SIPA1L1: variants seen among roughly 807,000 people sequenced by gnomAD.
The protein encoded by SIPA1L1 is signal-induced proliferation-associated 1-like protein 1.
A neutral mutation model predicts 162.7 loss-of-function variants in SIPA1L1; 26 were observed. The ratio of observed to expected loss-of-function variants is 0.16; its 90% CI spans 0.12 to 0.22. The LOEUF (loss-of-function observed/expected upper bound fraction) is 0.22. Ranked by LOEUF, SIPA1L1 falls within the 10% of genes least tolerant of loss-of-function variation. SIPA1L1 has a pLI of 1.00. For synonymous variants in SIPA1L1, 829 were observed against 837.4 expected (o/e 0.99, Z 0.17); for missense variants, 1,874 against 2,241.0 (o/e 0.84, Z 3.31).
chr14:71,529,481 A>G lies in SIPA1L1; in HGVS notation c.-303+111A>G, dbSNP rs376887837. ...AAACATAGAAACAAAATTTTAAAAAATCTACTTTTCTCAAAGAGATGAAGT... is the reference window on the plus strand; with the variant it reads ...AAACATAGAAACAAAATTTTAAAAAGTCTACTTTTCTCAAAGAGATGAAGT... On this transcript the variant is annotated intron_variant, in intron 4 of 23. Transcript: ENST00000381232. 6.0e-4 allele frequency: 314 copies of G among 521,016 alleles called. 6 individuals are homozygous for G. The South Asian group carries it at 9.4e-3, about 16-fold the overall frequency. 32.3% of individuals were successfully genotyped at this position (521,016 alleles called of 1,614,324 possible).
chr14:71,682,558 T>C (rs1248631424), intron 12 of SIPA1L1, among the ~76,000 whole-genome samples: 1 of 152,238 alleles, frequency 6.6e-6, no homozygotes, highest in Non-Finnish European at 1.5e-5. Flanking sequence ...GCTCAGACTT[T>C]ATCATACTAT....
chr14:71,408,996 G>A (rs552375328), intron 2 of SIPA1L1, among the ~76,000 whole-genome samples: 2 of 152,210 alleles, frequency 1.3e-5, no homozygotes, highest in Admixed American at 6.5e-5. Context: ...CGAGGAACTC[G>A]TGCTTAGCAT....
intron 2 of SIPA1L1, 131 bp downstream of exon 2, chr14:71,321,312 G>C (rs2032878440): frequency 6.6e-6 from 1 of 152,288 alleles, no homozygotes; most frequent in Admixed American, 6.5e-5. Context: ...GTTAAAGTTT[G>C]ATTTTCGATT....
At chr14:71,738,878 A>T (rs766198199) in intron 23 of SIPA1L1, 140 bp from the exon 24 acceptor site, 3 of 900,614 alleles carry the variant, frequency 3.3e-6, no homozygotes, top group Non-Finnish European at 3.3e-6. Context: ...ACCTGATACC[A>T]GTCCGTTTAG....
intron 4 of SIPA1L1, among the ~76,000 whole-genome samples, chr14:71,553,877 C>G (rs529602961): frequency 6.6e-6 from 1 of 152,116 alleles, no homozygotes; most frequent in African/African-American, 2.4e-5. Context: ...AAATTGAGAC[C>G]TTAGCATAGT....
At position 71,730,296 on chromosome 14, in the gene SIPA1L1, T is replaced by C; in HGVS notation, c.4856T>C (p.Leu1619Pro). The change falls in exon 20 of 24, where the codon CTG becomes CCG. Residue 1619 changes from leucine to proline, a missense_variant. By Grantham distance (98) the Leu-to-Pro change is moderately conservative. Coordinates refer to ENST00000381232, the MANE Select transcript of SIPA1L1 (RefSeq NM_001386936.1). ...RPSYTLGMKS[L>P]HGEFSASDSS... is the part of the protein sequence containing the mutation. ...TCTTACACCTTAGGAATGAAATCGCTGCATGGTAAGTGGTCTTTCAGCTGC... is the reference window on the plus strand; with the variant it reads ...TCTTACACCTTAGGAATGAAATCGCCGCATGGTAAGTGGTCTTTCAGCTGC... 2 of 1,614,050 alleles carry C rather than the reference T, an allele frequency of 1.2e-6. No homozygotes were observed. The highest frequency in any genetic ancestry group is 1.7e-6 in the Non-Finnish European group (2 of 1,179,970).
intron 22 of SIPA1L1, among the ~76,000 whole-genome samples, chr14:71,736,730 C>T (rs1252733616): frequency 6.6e-6 from 1 of 152,120 alleles, no homozygotes; most frequent in African/African-American, 2.4e-5. Context: ...AGGAAGGAGC[C>T]TCCAACAGAG....
At chr14:71,595,344 A>G (rs1032059510) in intron 5 of SIPA1L1, among the ~76,000 whole-genome samples, 1 of 152,208 alleles carries the variant, frequency 6.6e-6, no homozygotes, top group Admixed American at 6.5e-5. Context: ...ATTTGATGCC[A>G]GAAGTTGAAA....
chr14:71,598,500 C>G (rs551779509), intron 5 of SIPA1L1, among the ~76,000 whole-genome samples: 1 of 152,270 alleles, frequency 6.6e-6, no homozygotes, highest in African/African-American at 2.4e-5. Context: ...GAGGCACAAC[C>G]CCAGCCCAAT....
intron 4 of SIPA1L1, among the ~76,000 whole-genome samples, chr14:71,548,044 C>T (rs1814378488): frequency 6.6e-6 from 1 of 152,116 alleles, no homozygotes; most frequent in Non-Finnish European, 1.5e-5. Flanking sequence ...GAGCAGGTAC[C>T]AACTAGTGAT....
chr14:71,469,538 G>A (rs1479290376), intron 2 of SIPA1L1, among the ~76,000 whole-genome samples: 4 of 152,208 alleles, frequency 2.6e-5, no homozygotes, highest in African/African-American at 9.7e-5. Flanking sequence ...GAATGAGTGA[G>A]TGAACAGAAT....
At chr14:71,656,122 G>A (rs1209060350) in intron 8 of SIPA1L1, among the ~76,000 whole-genome samples, 1 of 152,050 alleles carries the variant, frequency 6.6e-6, no homozygotes, top group African/African-American at 2.4e-5. Context: ...AAAATTATCA[G>A]CAAAACTCTA....
At chr14:71,544,194 T>C (rs1342681757) in intron 4 of SIPA1L1, among the ~76,000 whole-genome samples, 2 of 151,066 alleles carry the variant, frequency 1.3e-5, no homozygotes, top group Non-Finnish European at 1.5e-5. Context: ...TATATATACA[T>C]ATGCATGTAT....
chr14:71,508,754 G>C (rs541503660), intron 2 of SIPA1L1, among the ~76,000 whole-genome samples: 2 of 152,166 alleles, frequency 1.3e-5, no homozygotes, highest in African/African-American at 4.8e-5. Context: ...TTTGTTTTTT[G>C]TATGAATTTT....
chr14:71,683,995 G>A (rs2046041913), intron 12 of SIPA1L1, among the ~76,000 whole-genome samples: 1 of 152,218 alleles, frequency 6.6e-6, no homozygotes, highest in Non-Finnish European at 1.5e-5. Context: ...TCCAGAAAGT[G>A]TGAAAGCCAT....
At chr14:71,498,169 A>G (rs1473723415) in intron 2 of SIPA1L1, among the ~76,000 whole-genome samples, 2 of 152,164 alleles carry the variant, frequency 1.3e-5, no homozygotes, top group Admixed American at 6.6e-5. Context: ...TAAATTTGCT[A>G]TGTTAACCTT....
At chr14:71,544,211 GCA>G (rs1491322167) in intron 4 of SIPA1L1, among the ~76,000 whole-genome samples, 16 of 146,030 alleles carry the variant, frequency 1.1e-4, no homozygotes, top group East Asian at 4.0e-4. Flanking sequence ...GTATGCACAT[GCA>G]TGTGTATATA....
In SIPA1L1 at chr14:71,724,783, A is replaced by G. The variant is rs1261414540; in HGVS notation, c.4562A>G (p.Lys1521Arg). ...AAGTCCACCATTGAAGAAGATCTAA[A>G]GAAACTAATTGATCTTGAAAGCCCA... Reference protein sequence around the residue: ...TSKSTIEEDLKKLIDLESPTP... With the variant: ...TSKSTIEEDLRKLIDLESPTP... Residue 1521 changes from lysine (K) to arginine (R), a missense_variant, in exon 19 of 24, where the codon AAG (lysine) becomes AGG (arginine). This residue lies in a region of SIPA1L1 where 936 missense variants were observed against 1,051.9 expected (regional missense o/e 0.89). Coordinates refer to ENST00000381232, the MANE Select transcript of SIPA1L1 (RefSeq NM_001386936.1). 6.2e-7 allele frequency: 1 copy of G among 1,614,204 alleles called. No individual in the cohort carries two copies. The highest frequency in any genetic ancestry group is 1.3e-5 in the African/African-American group (1 of 75,062).
chr14:71,491,520 T>TTTGTTGTTG (rs71105781), intron 2 of SIPA1L1, among the ~76,000 whole-genome samples: 1,581 of 151,124 alleles, frequency 0.01, 30 homozygotes, highest in African/African-American at 0.037. Context: ...GAGCAACCTG[T>TTTGTTGTTG]TTGTTGTTGT....
Sources: gnomAD v4.1 joint callset for allele counts (sites outside exome capture counted in the v4.1 genomes callset) on GRCh38, gnomAD v4.1.1 for gene constraint, gnomAD v4.1.1 regional missense constraint, MANE v1.5 for transcripts, NCBI Gene and HGNC (gene_info 2026-07-23, HGNC 2026-07-21) for gene names.